The following CELF2 variants were observed in gnomAD, a reference collection of about 807,000 sequenced individuals.
The protein encoded by CELF2 is CUG triplet repeat RNA-binding protein 2.
CELF2 carries 8 observed loss-of-function variants against 62.6 expected under a neutral mutation model. The ratio of observed to expected loss-of-function variants is 0.13; its 90% confidence interval spans 0.07 to 0.23. CELF2 has a LOEUF of 0.23. Among genes scored for constraint, CELF2 ranks in the 10% least tolerant of loss-of-function variants. The probability of loss-of-function intolerance (pLI) is 1.00; values close to 1 mark genes in which losing one functional copy is unlikely to be tolerated. For synonymous variants in CELF2, 258 were observed against 250.0 expected (o/e 1.03, Z -0.30); for missense variants, 333 against 671.0 (o/e 0.50, Z 5.56).
chr10:10,788,879 G>T, the CELF2 span: 1 of 152,140 alleles, frequency 6.6e-6, no homozygotes, highest in East Asian at 1.9e-4. Context: ...TGGAAAGATT[G>T]GAGCTGGGTT....
chr10:11,140,964 C>T (rs955186471), intron 1 of CELF2, among the ~76,000 whole-genome samples: 3 of 152,136 alleles, frequency 2.0e-5, no homozygotes, highest in African/African-American at 4.8e-5. Flanking sequence ...CTACAGTGAG[C>T]GTGATCACAC....
the CELF2 span, among the ~76,000 whole-genome samples, chr10:10,595,230 G>T: frequency 6.6e-6 from 1 of 152,166 alleles, no homozygotes; most frequent in Non-Finnish European, 1.5e-5. Context: ...GCCTCTTAAA[G>T]GTGATCCATG....
At chr10:10,678,615 C>A in the CELF2 span, among the ~76,000 whole-genome samples, 1 of 151,956 alleles carries the variant, frequency 6.6e-6, no homozygotes, top group Non-Finnish European at 1.5e-5. Context: ...GGCCAAAAGG[C>A]CAGAAACTGC....
the CELF2 span, among the ~76,000 whole-genome samples, chr10:10,651,011 C>CA: frequency 7.0e-6 from 1 of 143,664 alleles, no homozygotes; most frequent in Non-Finnish European, 1.5e-5. Context: ...CCAGTGGGTG[C>CA]GCGCACCGTG....
rs2074811529 is a variant in CELF2 at position 11,243,963 on chromosome 10, A to G, written c.355-5190A>G. Reference sequence around the variant, plus strand: ...TAGCCTCAGCCCTGACCCTAGCCACACAGTAGGTAGATTGAATTAGCGACC... The same window carrying G: ...TAGCCTCAGCCCTGACCCTAGCCACGCAGTAGGTAGATTGAATTAGCGACC... On this transcript the variant is annotated intron_variant, in intron 3 of 12. Transcript: ENST00000633077. The surrounding 1 kb of genome is among the most constrained non-coding windows in gnomAD (Gnocchi z 4.1). 6.6e-6 allele frequency among the ~76,000 whole-genome samples: 1 copy of G among 152,232 alleles called. No homozygotes were observed. Among genetic ancestry groups the G allele is most frequent in the Admixed American group, 6.5e-5 (1 of 15,288 alleles).
the CELF2 span, among the ~76,000 whole-genome samples, chr10:10,789,575 T>C: frequency 6.6e-6 from 1 of 152,058 alleles, no homozygotes; most frequent in African/African-American, 2.4e-5. Context: ...ATTGAAACAC[T>C]CACCAGCCAT....
At chr10:11,286,914 T>A (rs1312565321) in intron 8 of CELF2, among the ~76,000 whole-genome samples, 2 of 152,200 alleles carry the variant, frequency 1.3e-5, no homozygotes, top group Non-Finnish European at 2.9e-5. Flanking sequence ...GAGTATCACT[T>A]TGGACAAAAT....
intron 2 of CELF2, among the ~76,000 whole-genome samples, chr10:10,965,666 TG>T (rs770617476): frequency 6.6e-6 from 1 of 152,158 alleles, no homozygotes; most frequent in Non-Finnish European, 1.5e-5. Flanking sequence ...CATTTTAAAG[TG>T]GGATATAAGA....
At position 10,887,240 on chromosome 10, in the gene CELF2, A is replaced by G. The variant is rs140251827; in HGVS notation, c.54-32724A>G. The stretch of plus-strand genomic sequence containing the variant: ...CATCCCGTAAGCATTTCTGACAGTC[A>G]GTGTCACTATGCATCTTTTTTATCA... On this transcript the variant is annotated intron_variant, in intron 1 of 13. Transcript: ENST00000636488. 2.5e-3 allele frequency among the ~76,000 whole-genome samples: 380 copies of G among 152,100 alleles called. 1 individual carries two copies. The highest frequency in any genetic ancestry group is 8.8e-3 in the African/African-American group (363 of 41,468).
intron 1 of CELF2, among the ~76,000 whole-genome samples, chr10:11,066,025 G>A (rs1482717147): frequency 6.6e-6 from 1 of 152,148 alleles, no homozygotes; most frequent in Non-Finnish European, 1.5e-5. Flanking sequence ...CTGGCATGTT[G>A]GAGGAACCCA....
the CELF2 span, among the ~76,000 whole-genome samples, chr10:10,653,339 A>C: frequency 4.0e-5 from 6 of 149,076 alleles, no homozygotes; most frequent in Non-Finnish European, 8.9e-5. Context: ...ATACCCAGGA[A>C]TTGAACTCAG....
intron 2 of CELF2, among the ~76,000 whole-genome samples, chr10:11,169,823 C>T (rs1349376102): frequency 6.6e-6 from 1 of 152,120 alleles, no homozygotes; most frequent in Non-Finnish European, 1.5e-5. Flanking sequence ...CTAAATTGGG[C>T]TCAGTGAAGA....
chr10:10,577,150 A>C, the CELF2 span, among the ~76,000 whole-genome samples: 1 of 152,186 alleles, frequency 6.6e-6, no homozygotes, highest in Admixed American at 6.6e-5. Flanking sequence ...TTGCGCCCAG[A>C]GTAAATGATG....
chr10:11,077,970 A>T (rs554594679), intron 1 of CELF2, among the ~76,000 whole-genome samples: 1 of 152,292 alleles, frequency 6.6e-6, no homozygotes, highest in African/African-American at 2.4e-5. Context: ...GTAATCCTTG[A>T]GAAAAGCATA....
chr10:10,628,265 A>G, the CELF2 span, among the ~76,000 whole-genome samples: 9 of 136,448 alleles, frequency 6.6e-5, no homozygotes, highest in Non-Finnish European at 1.4e-4. Flanking sequence ...AGTCAAAAAA[A>G]TGTTATCAGT....
chr10:10,766,143 G>T, the CELF2 span, among the ~76,000 whole-genome samples: 4 of 152,218 alleles, frequency 2.6e-5, no homozygotes, highest in Admixed American at 2.0e-4. Context: ...CAGACAGGAA[G>T]TGCAAATGCC....
chr10:11,076,070 G>A (rs766264441), intron 1 of CELF2, among the ~76,000 whole-genome samples: 1 of 151,916 alleles, frequency 6.6e-6, no homozygotes, highest in East Asian at 1.9e-4. Context: ...CAGATCCATT[G>A]TGGGTATTTT....
At chr10:11,112,251 G>T (rs2055365103) in intron 1 of CELF2, among the ~76,000 whole-genome samples, 1 of 152,164 alleles carries the variant, frequency 6.6e-6, no homozygotes, top group Admixed American at 6.5e-5. Flanking sequence ...TCTCCACCTT[G>T]GGAATAATGA....
the CELF2 span, among the ~76,000 whole-genome samples, chr10:10,712,065 C>T: frequency 6.9e-5 from 10 of 143,904 alleles, no homozygotes; most frequent in African/African-American, 2.3e-4. Flanking sequence ...CCACTTTTCC[C>T]TGAATTTCCT....
Sources: allele counts gnomAD v4.1 joint callset (sites outside exome capture counted in the v4.1 genomes callset), GRCh38; gene constraint gnomAD v4.1.1; non-coding constraint Gnocchi (gnomAD v3.1); transcripts MANE v1.5; gene names NCBI Gene and HGNC (gene_info 2026-07-23, HGNC 2026-07-21).